Variants in ATP8A2 observed in about 807,000 individuals in gnomAD.
The protein encoded by ATP8A2 is ATPase phospholipid transporting 8A2.
In ATP8A2, 100 loss-of-function variants were observed where a neutral mutation model predicts 165.6. That is an observed-to-expected ratio of 0.60 (90% CI 0.51 to 0.71). The LOEUF (loss-of-function observed/expected upper bound fraction) is 0.71, where lower values mean the gene tolerates loss of function less well. Among genes scored for constraint, ATP8A2 ranks in the 30% least tolerant of loss-of-function variants. The pLI, the probability that ATP8A2 is intolerant of heterozygous loss-of-function variation, is 0.00. For missense variants in ATP8A2, 1,227 were observed against 1,479.5 expected (o/e 0.83, Z 2.80); for synonymous variants, 543 against 548.8 (o/e 0.99, Z 0.15).
At chr13:25,460,427 G>C (rs2035474570) in intron 1 of ATP8A2, among the ~76,000 whole-genome samples, 1 of 152,174 alleles carries the variant, frequency 6.6e-6, no homozygotes, top group African/African-American at 2.4e-5. Flanking sequence ...TTGCTAAGGA[G>C]AAGTAACTGG....
At position 25,459,770 on chromosome 13, in the gene ATP8A2, G is replaced by A. The variant is rs554939740; in HGVS notation, c.77-9207G>A. ...GGAGAAGGAACAGAGCTGATGTCTT[G>A]AGGAAAGAAGGTCATCATGGGTGGG... On this transcript the variant is annotated intron_variant, in intron 1 of 36. Transcript: ENST00000381655. Among the ~76,000 whole-genome samples, 33 of 152,296 alleles carry A rather than the reference G, an allele frequency of 2.2e-4. 1 individual carries two copies. Among genetic ancestry groups the A allele is most frequent in the Middle Eastern group, 6.8e-3 (2 of 294 alleles).
chr13:25,862,737 C>G (rs1008118095), intron 33 of ATP8A2, among the ~76,000 whole-genome samples: 2 of 152,116 alleles, frequency 1.3e-5, no homozygotes, highest in African/African-American at 4.8e-5. Flanking sequence ...AAAACTGGAG[C>G]TATTTTGAAT....
chr13:25,430,935 C>T (rs1260652485), intron 1 of ATP8A2, among the ~76,000 whole-genome samples: 4 of 151,902 alleles, frequency 2.6e-5, no homozygotes, highest in African/African-American at 9.7e-5. Flanking sequence ...ATGATTATAA[C>T]TCAAGGGAAG....
chr13:25,631,237 C>T (rs2041233410), intron 24 of ATP8A2, among the ~76,000 whole-genome samples: 1 of 152,174 alleles, frequency 6.6e-6, no homozygotes, highest in Non-Finnish European at 1.5e-5. Context: ...TGGTGAGGCT[C>T]ATCTGTGCTC....
chr13:25,694,915 T>G (rs555100580), intron 24 of ATP8A2, among the ~76,000 whole-genome samples: 3 of 152,130 alleles, frequency 2.0e-5, no homozygotes, highest in Admixed American at 6.5e-5. Flanking sequence ...ACTCCTGGCC[T>G]CAGGTGATCC....
intron 27 of ATP8A2, among the ~76,000 whole-genome samples, chr13:25,802,827 C>T (rs535381388): frequency 6.6e-6 from 1 of 152,116 alleles, no homozygotes; most frequent in Non-Finnish European, 1.5e-5. Flanking sequence ...TACTGCCTCA[C>T]TAGAGGTGCA....
chr13:25,844,533 T>G (rs1326882635), intron 30 of ATP8A2, among the ~76,000 whole-genome samples: 2 of 152,118 alleles, frequency 1.3e-5, no homozygotes, highest in Non-Finnish European at 2.9e-5. Context: ...CTGGCCTTAT[T>G]ACACTCTTAA....
intron 23 of ATP8A2, among the ~76,000 whole-genome samples, chr13:25,588,809 G>A (rs538637034): frequency 1.7e-3 from 265 of 152,324 alleles, no homozygotes; most frequent in Non-Finnish European, 2.7e-3. Flanking sequence ...AAGGTGATCT[G>A]AGAGACAGGC....
intron 35 of ATP8A2, among the ~76,000 whole-genome samples, chr13:25,975,596 A>T (rs1956017908): frequency 6.6e-6 from 1 of 151,844 alleles, no homozygotes; most frequent in Non-Finnish European, 1.5e-5. Context: ...AAAAAAAAAG[A>T]AGTTTTATTT....
intron 2 of ATP8A2, among the ~76,000 whole-genome samples, chr13:25,475,119 G>C (rs1282495556): frequency 2.0e-5 from 3 of 152,006 alleles, no homozygotes; most frequent in African/African-American, 2.4e-5. Context: ...ACCTGTAATA[G>C]GCCACTGTGC....
At chr13:25,693,012 A>G (rs1314036045) in intron 24 of ATP8A2, among the ~76,000 whole-genome samples, 2 of 152,220 alleles carry the variant, frequency 1.3e-5, no homozygotes, top group African/African-American at 2.4e-5. Context: ...CTTTCTGGGT[A>G]TGAAACCTCC....
Position 25,871,999 on chromosome 13 carries a change from G to A in ATP8A2, c.3183+9591G>A, listed in dbSNP as rs567032243. Among the ~76,000 whole-genome samples the A allele has an allele frequency of 7.6e-4, 116 of 152,144 alleles. 1 individual carries two copies. The highest frequency in any genetic ancestry group is 2.7e-3 in the African/African-American group (112 of 41,506). On this transcript the variant is annotated intron_variant, in intron 33 of 36. Transcript: ENST00000381655. ...CAGGAGCAAAGACATCTCTCATGCAGGGTACAGTGACATCTTGCCATCTTC... is the reference window on the plus strand; with the variant it reads ...CAGGAGCAAAGACATCTCTCATGCAAGGTACAGTGACATCTTGCCATCTTC...
In ATP8A2 at chr13:25,554,510, CATGTGTGTGTGTGTGTGT is replaced by C. The variant is rs1264129897; in HGVS notation, c.1186-462_1186-445del. Among the ~76,000 whole-genome samples, 674 of 105,826 alleles carry C rather than the reference CATGTGTGTGTGTGTGTGT, an allele frequency of 6.4e-3. 7 individuals are homozygous for C. Among genetic ancestry groups the C allele is most frequent in the African/African-American group, 0.023 (640 of 27,276 alleles). 69.4% of individuals were successfully genotyped at this position (105,826 alleles called of 152,430 possible). A position where few individuals can be genotyped will look rare whatever the true frequency, so the allele number is the denominator to read the frequency against. On this transcript the variant is annotated intron_variant, in intron 12 of 36. Transcript: ENST00000381655. ...AAATCATATCTATATAAATATAAAT[CATGTGTGTGTGTGTGTGT>C]ATGTGTGTGTGTGTGTGTGTGTGTG...
chr13:25,676,386 G>T (rs1443270691), intron 24 of ATP8A2, among the ~76,000 whole-genome samples: 1 of 152,098 alleles, frequency 6.6e-6, no homozygotes, highest in East Asian at 1.9e-4. Flanking sequence ...TCCTGGAAAG[G>T]TGCAGACCTC....
chr13:25,778,272 A>G (rs2044787364), intron 27 of ATP8A2, among the ~76,000 whole-genome samples: 1 of 152,246 alleles, frequency 6.6e-6, no homozygotes, highest in Admixed American at 6.5e-5. Context: ...TTCCTTGAAC[A>G]TAACACATGC....
At chr13:26,015,893 G>A (rs1268566956) in intron 36 of ATP8A2, among the ~76,000 whole-genome samples, 4 of 152,174 alleles carry the variant, frequency 2.6e-5, no homozygotes, top group South Asian at 4.1e-4. Context: ...CGAGCTCCCC[G>A]TTTGGATGCA....
At position 25,389,814 on chromosome 13, in the gene ATP8A2, A is replaced by G. The variant is rs190567996; in HGVS notation, c.76+17526A>G. 2.1e-3 allele frequency among the ~76,000 whole-genome samples: 318 copies of G among 152,302 alleles called. 1 individual carries two copies. Among genetic ancestry groups the G allele is most frequent in the Non-Finnish European group, 2.5e-3 (167 of 68,024 alleles). ...CTGGGGAGAGAAGACCTGGACATGT[A>G]AAAAGGAAACAGTGAAAAGTAAGCG... is the stretch of plus-strand genomic sequence containing the variant. On this transcript the variant is annotated intron_variant, in intron 1 of 36. Transcript: ENST00000381655.
chr13:25,880,522 C>T (rs1188279997), intron 33 of ATP8A2, among the ~76,000 whole-genome samples: 1 of 152,134 alleles, frequency 6.6e-6, no homozygotes, highest in African/African-American at 2.4e-5. Context: ...CCTGACAGGC[C>T]TCAGGGGTAT....
chr13:25,513,575 A>G (rs1167674662), intron 2 of ATP8A2, among the ~76,000 whole-genome samples: 1 of 152,054 alleles, frequency 6.6e-6, no homozygotes, highest in Non-Finnish European at 1.5e-5. Flanking sequence ...CAGAGGCTGC[A>G]ATCTCGGCAC....
Sources: allele counts gnomAD v4.1 joint callset (sites outside exome capture counted in the v4.1 genomes callset), GRCh38; gene constraint gnomAD v4.1.1; transcripts MANE v1.5; gene names NCBI Gene and HGNC (gene_info 2026-07-23, HGNC 2026-07-21).